Variants in KCNIP1 observed in about 807,000 individuals in gnomAD.
KCNIP1 encodes the protein potassium voltage-gated channel interacting protein 1.
Under a neutral mutation model 33.0 loss-of-function variants are expected in KCNIP1, and 18 were observed. The ratio of observed to expected loss-of-function variants is 0.55; its 90% CI spans 0.38 to 0.81. The LOEUF (loss-of-function observed/expected upper bound fraction) is 0.81, where lower values mean the gene tolerates loss of function less well. Among genes scored for constraint, KCNIP1 ranks in the 30% least tolerant of loss-of-function variants. KCNIP1 has a pLI of 0.00. For missense variants in KCNIP1, 238 were observed against 271.6 expected (o/e 0.88, Z 0.87); for synonymous variants, 93 against 98.3 (o/e 0.95, Z 0.32).
chr5:170,447,760 A>G (rs1489742541), intron 1 of KCNIP1, among the ~76,000 whole-genome samples: 1 of 151,588 alleles, frequency 6.6e-6, no homozygotes, highest in Non-Finnish European at 1.5e-5. Context: ...CACTTAATCG[A>G]TCCCTTTTCT....
chr5:170,475,290 C>G (rs1756831273), intron 1 of KCNIP1, among the ~76,000 whole-genome samples: 1 of 152,236 alleles, frequency 6.6e-6, no homozygotes, highest in Non-Finnish European at 1.5e-5. Flanking sequence ...GCTTGGCTTC[C>G]CTCTCTACCA....
chr5:170,571,545 G>A (rs1292596337), intron 1 of KCNIP1, among the ~76,000 whole-genome samples: 1 of 152,194 alleles, frequency 6.6e-6, no homozygotes, highest in African/African-American at 2.4e-5. Context: ...ATACCACCGT[G>A]GCCAGGGCTT....
intron 1 of KCNIP1, among the ~76,000 whole-genome samples, chr5:170,356,024 T>C (rs1763337798): frequency 6.6e-6 from 1 of 152,162 alleles, no homozygotes; most frequent in Admixed American, 6.5e-5. Context: ...ATCCAGGTGT[T>C]TGCTAAATAT....
At chr5:170,502,398 T>C (rs902344119), upstream of KCNIP1, among the ~76,000 whole-genome samples, 9 of 152,088 alleles carry the variant, frequency 5.9e-5, no homozygotes, top group African/African-American at 1.9e-4. Flanking sequence ...GGACAGCTCA[T>C]GGGTTGGCAT....
chr5:170,732,552 C>T (rs1291486825), intron 5 of KCNIP1, among the ~76,000 whole-genome samples: 2 of 152,076 alleles, frequency 1.3e-5, no homozygotes, highest in Non-Finnish European at 2.9e-5. Flanking sequence ...AAGACAATGC[C>T]CATAACAAGG....
intron 1 of KCNIP1, among the ~76,000 whole-genome samples, chr5:170,428,572 G>A (rs892446371): frequency 2.6e-5 from 4 of 152,076 alleles, no homozygotes; most frequent in Admixed American, 2.0e-4. Flanking sequence ...GAGCAGCTCC[G>A]TTATGTCCAG....
At chr5:170,386,441 C>T (rs898645957) in intron 1 of KCNIP1, among the ~76,000 whole-genome samples, 2 of 152,116 alleles carry the variant, frequency 1.3e-5, no homozygotes, top group East Asian at 1.9e-4. Flanking sequence ...CGTTTGAGGC[C>T]GTCAGGTTTA....
intron 1 of KCNIP1, among the ~76,000 whole-genome samples, chr5:170,355,449 C>G (rs141523008): frequency 6.6e-6 from 1 of 152,318 alleles, no homozygotes; most frequent in Non-Finnish European, 1.5e-5. Flanking sequence ...GGGTGTGGGG[C>G]AGCAACCCAT....
At position 170,699,572 on chromosome 5, in the gene KCNIP1, A is replaced by C. The variant is rs113961239; in HGVS notation, c.62-19186A>C. On this transcript the variant is annotated intron_variant, in intron 1 of 7. Transcript: ENST00000328939. ...TTGCTCTGTGAAAAAAAAAAAAAAA[A>C]AAAAAAGTTTTACAGTCCCAGGAGA... Among the ~76,000 whole-genome samples, 546 of 149,042 alleles carry C rather than the reference A, an allele frequency of 3.7e-3. 3 individuals carry two copies. Among genetic ancestry groups the C allele is most frequent in the African/African-American group, 0.013 (501 of 39,138 alleles).
At chr5:170,412,066 G>GAATA (rs933690375) in intron 1 of KCNIP1, among the ~76,000 whole-genome samples, 2 of 152,192 alleles carry the variant, frequency 1.3e-5, no homozygotes, top group African/African-American at 4.8e-5. Flanking sequence ...CTGGCTGAAT[G>GAATA]AATAAATGTT....
intron 1 of KCNIP1, among the ~76,000 whole-genome samples, chr5:170,480,823 C>T (rs773221975): frequency 2.7e-4 from 41 of 152,262 alleles, no homozygotes; most frequent in Middle Eastern, 3.4e-3. Context: ...TATCAGTTCC[C>T]TCTTTACATG....
intron 1 of KCNIP1, among the ~76,000 whole-genome samples, chr5:170,369,577 G>A (rs1262771278): frequency 6.6e-6 from 1 of 152,222 alleles, no homozygotes; most frequent in Non-Finnish European, 1.5e-5. Flanking sequence ...ACAGAGCCTG[G>A]CAAGGGGGAA....
At chr5:170,537,819 G>C (rs960480701) in intron 1 of KCNIP1, among the ~76,000 whole-genome samples, 1 of 151,724 alleles carries the variant, frequency 6.6e-6, no homozygotes, top group Non-Finnish European at 1.5e-5. Context: ...TGCCCTCTTC[G>C]TGTGCTTTCC....
rs762807951 is a variant in KCNIP1 at position 170,732,922 on chromosome 5, G to T, written c.540+18G>T. 1 of 1,497,014 alleles carries T rather than the reference G, an allele frequency of 6.7e-7. No individual in the cohort carries two copies. The highest frequency in any genetic ancestry group is 9.3e-7 in the Non-Finnish European group (1 of 1,073,686). The allele number at this position is 1,497,014 out of a possible 1,614,324, so 92.7% of individuals were successfully genotyped here. On this transcript the variant is annotated intron_variant, in intron 6 of 7. Coordinates refer to ENST00000328939, the MANE Select transcript of KCNIP1 (RefSeq NM_014592.4). ...TCTTCCAGGTAAGTGCACACACCCTGCACATGAGCTGTAAGCCCAGCCTAG... is the reference window on the plus strand; with the variant it reads ...TCTTCCAGGTAAGTGCACACACCCTTCACATGAGCTGTAAGCCCAGCCTAG...
chr5:170,395,320 G>C (rs1006810499), intron 1 of KCNIP1, among the ~76,000 whole-genome samples: 1 of 152,086 alleles, frequency 6.6e-6, no homozygotes, highest in Non-Finnish European at 1.5e-5. Flanking sequence ...ATCTCATTGT[G>C]GTTTAATTTG....
intron 1 of KCNIP1, chr5:170,383,711 G>A (rs1764347356): frequency 1.9e-6 from 3 of 1,614,046 alleles, no homozygotes; most frequent in South Asian, 2.2e-5. Flanking sequence ...TCCTCCGTGT[G>A]GTACAGCACA....
intron 1 of KCNIP1, among the ~76,000 whole-genome samples, chr5:170,548,431 G>T (rs1223398919): frequency 1.3e-5 from 2 of 152,118 alleles, no homozygotes; most frequent in African/African-American, 4.8e-5. Context: ...TTAGAGGAAT[G>T]AATTAAAATT....
At chr5:170,355,116 T>C (rs944127763) in intron 1 of KCNIP1, among the ~76,000 whole-genome samples, 1 of 152,188 alleles carries the variant, frequency 6.6e-6, no homozygotes, top group African/African-American at 2.4e-5. Context: ...GGGATTCTGT[T>C]TATCTCCTTC....
intron 1 of KCNIP1, among the ~76,000 whole-genome samples, chr5:170,534,087 A>C (rs979675352): frequency 6.6e-6 from 1 of 152,250 alleles, no homozygotes; most frequent in Non-Finnish European, 1.5e-5. Flanking sequence ...TTGAACATTC[A>C]GCGATTCACA....
Sources: gnomAD v4.1 joint callset for allele counts (sites outside exome capture counted in the v4.1 genomes callset) on GRCh38, gnomAD v4.1.1 for gene constraint, MANE v1.5 for transcripts, NCBI Gene and HGNC (gene_info 2026-07-23, HGNC 2026-07-21) for gene names.